CNTN1: variants seen among roughly 807,000 people sequenced by gnomAD.
CNTN1 encodes the protein contactin 1, also known as contactin-1.
In CNTN1, 38 loss-of-function variants were observed where a neutral mutation model predicts 126.4. That is an observed-to-expected ratio of 0.30 (90% confidence interval 0.23 to 0.39). The LOEUF is 0.39. Among genes scored for constraint, CNTN1 ranks in the 10% least tolerant of loss-of-function variants. CNTN1 has a pLI of 1.00. For synonymous variants in CNTN1, 413 were observed against 422.6 expected, an observed-to-expected ratio of 0.98 and a Z score of 0.28; for missense variants, 1,009 against 1,248.4, an observed-to-expected ratio of 0.81 and a Z score of 2.89.
chr12:40,794,944 G>T (rs1940355528), intron 1 of CNTN1, among the ~76,000 whole-genome samples: 1 of 152,024 alleles, frequency 6.6e-6, no homozygotes, highest in African/African-American at 2.4e-5. Flanking sequence ...AATTTGGCTA[G>T]GCTATAGTAC....
At chr12:40,739,700 G>C (rs1279070052) in intron 1 of CNTN1, among the ~76,000 whole-genome samples, 1 of 152,020 alleles carries the variant, frequency 6.6e-6, no homozygotes, top group East Asian at 1.9e-4. Context: ...AAATGCTAGA[G>C]TTTGACAGAG....
At chr12:40,846,329 A>G (rs1942499679) in intron 1 of CNTN1, among the ~76,000 whole-genome samples, 1 of 152,152 alleles carries the variant, frequency 6.6e-6, no homozygotes, top group African/African-American at 2.4e-5. Flanking sequence ...TTAGCAGGGC[A>G]TGGTGGCGGG....
intron 15 of CNTN1, among the ~76,000 whole-genome samples, chr12:40,976,364 T>C (rs1947671557): frequency 6.6e-6 from 1 of 152,118 alleles, no homozygotes; most frequent in Non-Finnish European, 1.5e-5. Context: ...TTATGTTAAC[T>C]TTGGGGTAAA....
At chr12:40,769,970 G>A (rs998854363) in intron 1 of CNTN1, among the ~76,000 whole-genome samples, 1 of 152,120 alleles carries the variant, frequency 6.6e-6, no homozygotes, top group African/African-American at 2.4e-5. Context: ...AAGGGCCTAT[G>A]AACTCTGTTG....
chr12:40,867,161 C>A (rs202038033), intron 1 of CNTN1, among the ~76,000 whole-genome samples: 3 of 152,106 alleles, frequency 2.0e-5, no homozygotes, highest in Non-Finnish European at 4.4e-5. Context: ...GGAGTTCAAT[C>A]GTAAATCACT....
At chr12:41,034,921 T>G (rs1949223054) in intron 23 of CNTN1, among the ~76,000 whole-genome samples, 1 of 152,184 alleles carries the variant, frequency 6.6e-6, no homozygotes, top group African/African-American at 2.4e-5. Flanking sequence ...TTAACATAAC[T>G]CCTGCAGTGA....
chr12:40,939,541 A>G, intron 12 of CNTN1, 56 bp downstream of exon 12: 2 of 1,584,828 alleles, frequency 1.3e-6, no homozygotes, highest in Admixed American at 3.4e-5. Context: ...AGTTTATTTT[A>G]TAGAAGACTT....
intron 23 of CNTN1, among the ~76,000 whole-genome samples, chr12:41,046,388 A>T (rs1949539491): frequency 6.6e-6 from 1 of 151,788 alleles, no homozygotes; most frequent in South Asian, 2.1e-4. Flanking sequence ...AATCAAACAT[A>T]TTCTCATATA....
intron 1 of CNTN1, among the ~76,000 whole-genome samples, chr12:40,898,744 G>T (rs1944500961): frequency 6.6e-6 from 1 of 152,188 alleles, no homozygotes; most frequent in African/African-American, 2.4e-5. Context: ...GCAGCTAATA[G>T]GAGTTATGAG....
chr12:40,697,371 GTTATAT>G (rs1383966063), intron 1 of CNTN1, among the ~76,000 whole-genome samples: 1 of 152,126 alleles, frequency 6.6e-6, no homozygotes, highest in Non-Finnish European at 1.5e-5. Context: ...GTTCAAAAAT[GTTATAT>G]TTATAGGTTC....
At chr12:40,760,284 T>G (rs1938805098) in intron 1 of CNTN1, among the ~76,000 whole-genome samples, 1 of 152,204 alleles carries the variant, frequency 6.6e-6, no homozygotes, top group African/African-American at 2.4e-5. Flanking sequence ...TTCTTACATC[T>G]GTACATCCTT....
At chr12:41,053,143 C>T (rs1239827620) in intron 23 of CNTN1, among the ~76,000 whole-genome samples, 1 of 151,156 alleles carries the variant, frequency 6.6e-6, no homozygotes, top group Non-Finnish European at 1.5e-5. Flanking sequence ...ATAATGATGC[C>T]ATCACATTTG....
intron 1 of CNTN1, among the ~76,000 whole-genome samples, chr12:40,906,143 T>C (rs908141775): frequency 3.3e-4 from 50 of 151,958 alleles, no homozygotes; most frequent in Non-Finnish European, 6.2e-4. Flanking sequence ...TGGTGGTGGG[T>C]GCCTGTAGTC....
rs561051077 is a variant in CNTN1 at position 40,850,962 on chromosome 12, C to T, written c.-76-57395C>T. ...CAAAAACCATTTGATTGGCACGAAACGATTTATTTCCATCCAATTGTCTTG... is the reference window on the plus strand; with the variant it reads ...CAAAAACCATTTGATTGGCACGAAATGATTTATTTCCATCCAATTGTCTTG... On this transcript the variant is annotated intron_variant, in intron 1 of 23. Coordinates refer to ENST00000551295, the MANE Select transcript of CNTN1 (RefSeq NM_001843.4). Among the ~76,000 whole-genome samples the T allele has an allele frequency of 3.3e-5, 5 of 152,226 alleles. No homozygotes were observed. The South Asian group carries it at 8.3e-4, about 25-fold the overall frequency.
Position 40,980,777 on chromosome 12 carries a change from G to A in CNTN1, c.1805-132G>A, listed in dbSNP as rs770010620. 1.5e-5 allele frequency: 12 copies of A among 815,028 alleles called. No individual in the cohort carries two copies. The South Asian group carries it at 1.9e-4, about 13-fold the overall frequency. 50.5% of individuals were successfully genotyped at this position (815,028 alleles called of 1,614,324 possible). ...CACTTCTTATAATCTATATTTAAAA[G>A]AAATGCAGACACACTGATTATATTG... On this transcript the variant is annotated intron_variant, in intron 15 of 23. Coordinates refer to ENST00000551295, the MANE Select transcript of CNTN1 (RefSeq NM_001843.4).
intron 1 of CNTN1, among the ~76,000 whole-genome samples, chr12:40,736,341 A>G (rs889227411): frequency 2.0e-5 from 3 of 152,130 alleles, no homozygotes; most frequent in African/African-American, 7.2e-5. Context: ...CGGCAAACAA[A>G]TAGACCAAAA....
chr12:40,771,766 A>G (rs1172391155), intron 1 of CNTN1, among the ~76,000 whole-genome samples: 1 of 152,080 alleles, frequency 6.6e-6, no homozygotes, highest in Non-Finnish European at 1.5e-5. Context: ...TGTCCAAAAA[A>G]TAAAATATGA....
At chr12:41,020,873 C>T (rs532680457) in intron 20 of CNTN1, among the ~76,000 whole-genome samples, 2 of 152,116 alleles carry the variant, frequency 1.3e-5, no homozygotes, top group East Asian at 1.9e-4. Context: ...TTAAATATAC[C>T]GAATATGTCT....
intron 14 of CNTN1, among the ~76,000 whole-genome samples, chr12:40,954,053 A>G (rs1364591347): frequency 6.6e-6 from 1 of 152,162 alleles, no homozygotes; most frequent in African/African-American, 2.4e-5. Flanking sequence ...TTCAAATCTA[A>G]TGACATGGCT....
Sources: allele counts gnomAD v4.1 joint callset (sites outside exome capture counted in the v4.1 genomes callset), GRCh38; gene constraint gnomAD v4.1.1; transcripts MANE v1.5; gene names NCBI Gene and HGNC (gene_info 2026-07-23, HGNC 2026-07-21).